IL1RAPL2: variants seen among roughly 807,000 people sequenced by gnomAD.
The protein encoded by IL1RAPL2 is X-linked interleukin-1 receptor accessory protein-like 2.
Under a neutral mutation model 44.1 loss-of-function variants are expected in IL1RAPL2, and 3 were observed. The ratio of observed to expected loss-of-function variants is 0.07; its 90% confidence interval spans 0.03 to 0.18. IL1RAPL2 has a LOEUF of 0.18. Ranked by LOEUF, IL1RAPL2 falls within the 10% of genes least tolerant of loss-of-function variation. The pLI is 1.00. For synonymous variants in IL1RAPL2, 181 were observed against 178.8 expected (o/e 1.01, Z -0.10); for missense variants, 391 against 496.4 (o/e 0.79, Z 2.02).
chrX:104,579,567 A>G (rs1227211808), intron 1 of IL1RAPL2, among the ~76,000 whole-genome samples: 9 of 111,659 alleles, frequency 8.1e-5, no homozygotes, highest in Non-Finnish European at 1.3e-4. Flanking sequence ...GAACACATGG[A>G]CACAAAGAGG....
intron 2 of IL1RAPL2, among the ~76,000 whole-genome samples, chrX:104,904,920 CA>C (rs1168247414): frequency 3.6e-5 from 4 of 111,361 alleles, no homozygotes; most frequent in African/African-American, 1.3e-4. Context: ...CTCCCACCAA[CA>C]GTGTAAAAGT....
chrX:105,030,529 C>G lies in IL1RAPL2; in HGVS notation c.83-164946C>G, dbSNP rs765881148. Among the ~76,000 whole-genome samples, 4 of 111,690 alleles carry G rather than the reference C, an allele frequency of 3.6e-5. No homozygotes were observed. The East Asian group carries it at 1.1e-3, about 31-fold the overall frequency. On this transcript the variant is annotated intron_variant, in intron 2 of 10. Coordinates refer to ENST00000372582, the MANE Select transcript of IL1RAPL2 (RefSeq NM_017416.2). The stretch of plus-strand genomic sequence containing the variant: ...TTATTTCCCCATTTCTTGTTTTTGT[C>G]AGGTTTGTCAAAGATCAGATGGTTG...
At chrX:104,968,918 A>G (rs1276392330) in intron 2 of IL1RAPL2, among the ~76,000 whole-genome samples, 2 of 108,631 alleles carry the variant, frequency 1.8e-5, no homozygotes, top group Admixed American at 2.0e-4. Flanking sequence ...TCTCCACTTA[A>G]TCTATATATT....
At chrX:105,681,579 G>A (rs757915944) in intron 6 of IL1RAPL2, among the ~76,000 whole-genome samples, 5 of 111,611 alleles carry the variant, frequency 4.5e-5, no homozygotes, top group South Asian at 3.8e-4. Flanking sequence ...CCAATGTGAC[G>A]AAACCCTGTC....
intron 2 of IL1RAPL2, among the ~76,000 whole-genome samples, chrX:105,174,004 A>T (rs2033449543): frequency 9.0e-6 from 1 of 110,891 alleles, no homozygotes; most frequent in African/African-American, 3.3e-5. Context: ...AAGTGCTAGG[A>T]TTACAGGCGT....
intron 2 of IL1RAPL2, among the ~76,000 whole-genome samples, chrX:104,894,414 G>T (rs923697915): frequency 9.0e-6 from 1 of 111,652 alleles, no homozygotes; most frequent in East Asian, 2.8e-4. Flanking sequence ...GTCACTTTCT[G>T]GTACACCAAT....
At chrX:105,285,660 A>G (rs186858149) in intron 5 of IL1RAPL2, among the ~76,000 whole-genome samples, 87 of 111,836 alleles carry the variant, frequency 7.8e-4, no homozygotes, top group Admixed American at 3.6e-3. Context: ...CTCCAATACA[A>G]TGGTGCTTTC....
chrX:104,811,942 C>T lies in IL1RAPL2; in HGVS notation c.82+152947C>T, dbSNP rs754126276. ...GATATATTCTTGGTGCTATTCTGGC[C>T]CTCTTTTCTGTCAGTTCTGCAATTG... On this transcript the variant is annotated intron_variant, in intron 2 of 10. Transcript: ENST00000372582. 9.9e-5 allele frequency among the ~76,000 whole-genome samples: 11 copies of T among 110,832 alleles called. No homozygotes were observed. In the Middle Eastern group the frequency reaches 0.014, roughly 141 times the overall value.
At chrX:105,207,943 G>A (rs782078008) in intron 3 of IL1RAPL2, among the ~76,000 whole-genome samples, 1 of 112,158 alleles carries the variant, frequency 8.9e-6, no homozygotes, top group Admixed American at 9.5e-5. Context: ...TAATAGTACA[G>A]TAAAAAGTAG....
intron 5 of IL1RAPL2, among the ~76,000 whole-genome samples, chrX:105,408,570 C>G (rs1437862610): frequency 9.0e-6 from 1 of 111,522 alleles, no homozygotes; most frequent in African/African-American, 3.3e-5. Flanking sequence ...CAGACCTTTA[C>G]AAGTGAAGGA....
intron 2 of IL1RAPL2, among the ~76,000 whole-genome samples, chrX:105,021,439 C>G (rs1486568650): frequency 9.0e-6 from 1 of 110,599 alleles, no homozygotes; most frequent in African/African-American, 3.3e-5. Context: ...TATGGGTGGC[C>G]GTGGGGCTTA....
chrX:105,278,125 CAG>C (rs990948281), intron 5 of IL1RAPL2, among the ~76,000 whole-genome samples: 2 of 111,773 alleles, frequency 1.8e-5, no homozygotes, highest in Non-Finnish European at 3.8e-5. Context: ...TCTGTAGAGT[CAG>C]GGGCTGTGAG....
At chrX:105,470,736 T>C (rs1341188756) in intron 5 of IL1RAPL2, among the ~76,000 whole-genome samples, 1 of 111,955 alleles carries the variant, frequency 8.9e-6, no homozygotes. Flanking sequence ...GGAGAATATG[T>C]GGTCCTCTTA....
At chrX:105,038,593 A>G (rs2031668215) in intron 2 of IL1RAPL2, among the ~76,000 whole-genome samples, 1 of 110,540 alleles carries the variant, frequency 9.0e-6, no homozygotes, top group Admixed American at 9.6e-5. Context: ...GGTTTGCTAT[A>G]TAGATGAATT....
intron 2 of IL1RAPL2, among the ~76,000 whole-genome samples, chrX:104,780,888 C>T (rs975967544): frequency 3.6e-5 from 4 of 111,168 alleles, no homozygotes; most frequent in African/African-American, 9.8e-5. Context: ...TCTAAGGAAG[C>T]CTATTTGGTA....
intron 2 of IL1RAPL2, among the ~76,000 whole-genome samples, chrX:105,032,220 A>G (rs1325777628): frequency 2.8e-5 from 3 of 108,386 alleles, no homozygotes; most frequent in Non-Finnish European, 5.7e-5. Context: ...TTGTGTCTCT[A>G]TTTCCTTCAG....
At chrX:104,872,012 C>A (rs776256388) in intron 2 of IL1RAPL2, among the ~76,000 whole-genome samples, 1 of 111,395 alleles carries the variant, frequency 9.0e-6, no homozygotes, top group Non-Finnish European at 1.9e-5. Context: ...TGTTGAGAAG[C>A]CTTGTATAGT....
At chrX:104,606,849 G>C (rs1459962190) in intron 1 of IL1RAPL2, among the ~76,000 whole-genome samples, 3 of 111,547 alleles carry the variant, frequency 2.7e-5, no homozygotes, top group Non-Finnish European at 5.7e-5. Flanking sequence ...CCCCCATCAA[G>C]CTACCACTGA....
chrX:104,778,730 T>C (rs1434343286), intron 2 of IL1RAPL2, among the ~76,000 whole-genome samples: 4 of 109,190 alleles, frequency 3.7e-5, no homozygotes, highest in Non-Finnish European at 7.6e-5. Flanking sequence ...ATATATAATT[T>C]TTACCAGCCA....
Sources: gnomAD v4.1 joint callset for allele counts (sites outside exome capture counted in the v4.1 genomes callset) on GRCh38, gnomAD v4.1.1 for gene constraint, MANE v1.5 for transcripts, NCBI Gene and HGNC (gene_info 2026-07-23, HGNC 2026-07-21) for gene names.